The following AKR1B15 variants were observed in gnomAD, a reference collection of about 807,000 sequenced individuals.
AKR1B15 encodes the protein estradiol 17-beta-dehydrogenase AKR1B15.
In AKR1B15, 49 loss-of-function variants were observed where a neutral mutation model predicts 38.5. The ratio of observed to expected loss-of-function variants is 1.27; its 90% confidence interval spans 1.01 to 1.62. AKR1B15 has a LOEUF of 1.62. AKR1B15 is among the 40% of genes most tolerant of loss of function. The probability of loss-of-function intolerance (pLI) is 0.00; values close to 1 mark genes in which losing one functional copy is unlikely to be tolerated. For missense variants in AKR1B15, 411 were observed against 381.6 expected, an observed-to-expected ratio of 1.08 and a Z score of -0.64; for synonymous variants, 137 against 135.5, an observed-to-expected ratio of 1.01 and a Z score of -0.08.
chr7:134,574,950 C>A (rs1003825358), intron 6 of AKR1B15, among the ~76,000 whole-genome samples: 32 of 152,316 alleles, frequency 2.1e-4, no homozygotes, highest in African/African-American at 7.5e-4. Flanking sequence ...TGAGGCTTCT[C>A]CGTATGCTGC....
chr7:134,564,547 C>T (rs139791804), intron 2 of AKR1B15, 51 bp from the exon 3 acceptor site: 54,480 of 618,774 alleles, frequency 0.088, 3,594 homozygotes, highest in East Asian at 0.28. Flanking sequence ...TGCTATTACT[C>T]ACCTTTGGGC....
At chr7:134,564,794 C>T in intron 3 of AKR1B15, 25 bp downstream of exon 3, 2 of 638,196 alleles carry the variant, frequency 3.1e-6, no homozygotes. Context: ...AGGTCATCAC[C>T]CAATTCCCAA....
At position 134,569,421 on chromosome 7, in the gene AKR1B15, C is replaced by T; in HGVS notation, c.327C>T (p.Pro109=). The T allele has an allele frequency of 1.2e-6, 2 of 1,614,030 alleles. No homozygotes were observed. The highest frequency in any genetic ancestry group is 1.7e-6 in the Non-Finnish European group (2 of 1,179,948). ...TGCTACACTCTTTGCAGGTGTGGCC[C>T]ACTTTCTTTGAGAGACCCCTTGTGA... ...EDLFIVSKVW[P]TFFERPLVRK... is the part of the protein sequence containing the mutation. Residue 109 remains proline, a synonymous_variant, in exon 5 of 12, where the codon CCC becomes CCT. Transcript: ENST00000457545.
chr7:134,578,097 C>A (rs971491609), intron 11 of AKR1B15, among the ~76,000 whole-genome samples: 3 of 152,118 alleles, frequency 2.0e-5, no homozygotes, highest in Admixed American at 2.0e-4. Context: ...GTGTGCCAGG[C>A]ATTTTCTAGG....
chr7:134,570,480 A>C (rs1442811739), intron 5 of AKR1B15: 1 of 152,162 alleles, frequency 6.6e-6, no homozygotes, highest in East Asian at 1.9e-4. Context: ...TTGTAGCTTG[A>C]GGGCATCATG....
intron 8 of AKR1B15, 139 bp downstream of exon 8, chr7:134,576,066 G>T (rs550148701): frequency 1.1e-3 from 1,607 of 1,428,050 alleles, no homozygotes; most frequent in Non-Finnish European, 1.4e-3. Flanking sequence ...ACACAAATGG[G>T]ATGGCAGTGG....
rs956944584 is a variant in AKR1B15 at position 134,569,035 on chromosome 7, A to G, written c.319-378A>G. On this transcript the variant is annotated intron_variant, in intron 4 of 11. Coordinates refer to ENST00000457545, the MANE Select transcript of AKR1B15 (RefSeq NM_001080538.3). ...TATCAGATGGGTCAGATAAAGGGCCATCTATTCCCAAAGGCCTAAGAATGC... is the reference window on the plus strand; with the variant it reads ...TATCAGATGGGTCAGATAAAGGGCCGTCTATTCCCAAAGGCCTAAGAATGC... 9.2e-5 allele frequency among the ~76,000 whole-genome samples: 14 copies of G among 152,322 alleles called. No homozygotes were observed. The South Asian group carries it at 2.9e-3, about 32-fold the overall frequency.
chr7:134,569,059 G>T (rs375329405), intron 4 of AKR1B15, among the ~76,000 whole-genome samples: 2 of 152,274 alleles, frequency 1.3e-5, no homozygotes, highest in South Asian at 2.1e-4. Context: ...GCCTAAGAAT[G>T]CTTGACATTT....
chr7:134,575,997 C>T (rs2259748), intron 8 of AKR1B15, 70 bp downstream of exon 8: 18,455 of 1,516,672 alleles, frequency 0.012, 475 homozygotes, highest in South Asian at 0.016. Flanking sequence ...TGGTAAATGT[C>T]GGTATGGGTC....
chr7:134,568,272 G>A lies in AKR1B15; in HGVS notation c.265G>A (p.Glu89Lys), dbSNP rs1323788584. 3 of 1,614,050 alleles carry A rather than the reference G, an allele frequency of 1.9e-6. No individual in the cohort carries two copies. Among genetic ancestry groups the A allele is most frequent in the Non-Finnish European group, 2.5e-6 (3 of 1,180,006 alleles). Residue 89 changes from glutamate to lysine, a missense_variant, in exon 4 of 12, where the codon GAG (glutamate) becomes AAG (lysine). Transcript: ENST00000457545. ...ACATGAGGTGGGAGAAGCCATCCAAGAGAAGATCCAAGAGAAGGCTGTGAT... is the reference window on the plus strand; with the variant it reads ...ACATGAGGTGGGAGAAGCCATCCAAAAGAAGATCCAAGAGAAGGCTGTGAT... ...NQHEVGEAIQ[E>K]KIQEKAVMRE...
intron 2 of AKR1B15, among the ~76,000 whole-genome samples, chr7:134,562,450 T>G (rs55708617): frequency 6.6e-6 from 1 of 151,848 alleles, no homozygotes; most frequent in East Asian, 1.9e-4. Context: ...AGAGTGCTGA[T>G]TGGTCTATTT....
In AKR1B15 at chr7:134,575,821, G is replaced by A. The variant is rs1249479243; in HGVS notation, c.637G>A (p.Val213Ile). ...GLKYKPVTNQ[V>I]ECHPYLTQEK... ...TGATGAGGATTGTTTGCTGTTGCAG[G>A]TTGAGTGTCACCCATACCTCACGCA... The change falls in exon 8 of 12, where the codon GTT (valine) becomes ATT (isoleucine). Residue 213 changes from valine to isoleucine, a missense_variant and splice_region_variant. Val to Ile is a conservative substitution (Grantham distance 29). Around this residue, in one of 3 missense-constraint regions of AKR1B15, gnomAD observed 24 missense variants for 48.9 expected, o/e 0.49. Coordinates refer to ENST00000457545, the MANE Select transcript of AKR1B15 (RefSeq NM_001080538.3). 1.2e-6 allele frequency: 2 copies of A among 1,613,766 alleles called. No homozygotes were observed. Among genetic ancestry groups the A allele is most frequent in the Non-Finnish European group, 8.5e-7 (1 of 1,179,814 alleles).
chr7:134,575,016 C>A (rs2117668918), intron 6 of AKR1B15, among the ~76,000 whole-genome samples: 1 of 152,348 alleles, frequency 6.6e-6, no homozygotes, highest in South Asian at 2.1e-4. Flanking sequence ...TGTACACACA[C>A]AACAGTAGCT....
intron 4 of AKR1B15, 55 bp downstream of exon 4, chr7:134,568,380 T>C (rs1204739092): frequency 2.5e-6 from 4 of 1,597,644 alleles, no homozygotes; most frequent in African/African-American, 2.7e-5. Flanking sequence ...CAGAAGTATC[T>C]GGATCGGGTG....
chr7:134,563,887 G>A (rs1196883923), intron 2 of AKR1B15, among the ~76,000 whole-genome samples: 3 of 152,222 alleles, frequency 2.0e-5, no homozygotes, highest in African/African-American at 7.2e-5. Flanking sequence ...TACTCTAGGA[G>A]TATGGGAAAA....
At chr7:134,578,943 G>T (rs1382223967) in intron 11 of AKR1B15, among the ~76,000 whole-genome samples, 1 of 152,198 alleles carries the variant, frequency 6.6e-6, no homozygotes, top group African/African-American at 2.4e-5. Context: ...CAATGGGTTG[G>T]TGGACTCAGA....
At chr7:134,567,970 T>TG (rs749974566) in intron 3 of AKR1B15, among the ~76,000 whole-genome samples, 188 bp from the exon 4 acceptor site, 5 of 152,128 alleles carry the variant, frequency 3.3e-5, no homozygotes, top group Non-Finnish European at 7.4e-5. Context: ...CTGGACCGTG[T>TG]GGGGCAGGTG....
intron 2 of AKR1B15, 97 bp from the exon 3 acceptor site, chr7:134,564,501 G>A: frequency 1.9e-6 from 1 of 525,788 alleles, no homozygotes; most frequent in South Asian, 2.8e-5. Flanking sequence ...TGGGCGACAT[G>A]GCTTCTCCCC....
chr7:134,573,923 A>G (rs1030403932), intron 6 of AKR1B15, among the ~76,000 whole-genome samples: 12 of 152,158 alleles, frequency 7.9e-5, no homozygotes, highest in Non-Finnish European at 1.6e-4. Context: ...TAATTTAGAG[A>G]GAGTCTTGCT....
Sources: allele counts gnomAD v4.1 joint callset (sites outside exome capture counted in the v4.1 genomes callset), GRCh38; gene constraint gnomAD v4.1.1; regional missense constraint gnomAD v4.1.1; transcripts MANE v1.5; gene names NCBI Gene and HGNC (gene_info 2026-07-23, HGNC 2026-07-21).